The following RAB3GAP2 variants were observed in gnomAD, a reference collection of about 807,000 sequenced individuals.
RAB3GAP2 encodes RAB3 GTPase activating non-catalytic protein subunit 2.
A neutral mutation model predicts 185.3 loss-of-function variants in RAB3GAP2; 87 were observed. That is an observed-to-expected ratio of 0.47 (90% CI 0.39 to 0.56). The LOEUF is 0.56. Ranked by LOEUF, RAB3GAP2 falls within the 20% of genes least tolerant of loss-of-function variation. The pLI is 0.00. For synonymous variants in RAB3GAP2, 554 were observed against 576.1 expected (o/e 0.96, Z 0.55); for missense variants, 1,492 against 1,638.2 (o/e 0.91, Z 1.54).
At chr1:220,206,476 A>G (rs560009337) in intron 7 of RAB3GAP2, among the ~76,000 whole-genome samples, 41 of 152,276 alleles carry the variant, frequency 2.7e-4, no homozygotes, top group Non-Finnish European at 5.0e-4. Flanking sequence ...TAAGTGAACA[A>G]ATCATTTTTT....
chr1:220,203,388 T>C (rs146742237), intron 8 of RAB3GAP2, among the ~76,000 whole-genome samples: 1 of 152,094 alleles, frequency 6.6e-6, no homozygotes, highest in African/African-American at 2.4e-5. Flanking sequence ...AAATATAACC[T>C]CTAAATATTG....
At chr1:220,266,929 T>C in intron 1 of RAB3GAP2, 2 of 1,593,268 alleles carry the variant, frequency 1.3e-6, no homozygotes, top group Non-Finnish European at 1.7e-6. Flanking sequence ...TGTATTTGCC[T>C]CAAAAGGAGG....
At position 220,195,070 on chromosome 1, in the gene RAB3GAP2, A is replaced by C. The variant is rs774045898; in HGVS notation, c.1130+8T>G. On this transcript the variant is annotated splice_region_variant and intron_variant, in intron 12 of 34. Coordinates refer to ENST00000358951, the MANE Select transcript of RAB3GAP2 (RefSeq NM_012414.4). The stretch of plus-strand genomic sequence containing the variant: ...AGGACTAAAATTTGGGAAGCATGAC[A>C]GACTTGCCTTACAGCTAATGGGGTA... The C allele has an allele frequency of 6.2e-7, 1 of 1,613,464 alleles. No homozygotes were observed. Among genetic ancestry groups the C allele is most frequent in the Admixed American group, 1.7e-5 (1 of 60,006 alleles).
chr1:220,188,082 A>C (rs1211706731), intron 17 of RAB3GAP2, among the ~76,000 whole-genome samples: 1 of 151,516 alleles, frequency 6.6e-6, no homozygotes, highest in Non-Finnish European at 1.5e-5. Flanking sequence ...AGAATCTGCC[A>C]AAGAAATTGA....
intron 8 of RAB3GAP2, among the ~76,000 whole-genome samples, chr1:220,205,371 G>A (rs1658944257): frequency 1.3e-5 from 2 of 152,122 alleles, no homozygotes; most frequent in African/African-American, 4.8e-5. Flanking sequence ...GCAAAAAGCA[G>A]CTCATGTTGA....
At chr1:220,224,993 TGGTAGAAGACCAGA>T (rs1659377566) in intron 2 of RAB3GAP2, among the ~76,000 whole-genome samples, 1 of 152,196 alleles carries the variant, frequency 6.6e-6, no homozygotes, top group African/African-American at 2.4e-5. Flanking sequence ...GCCAGATCCC[TGGTAGAAGACCAGA>T]GGCCCCAATC....
At chr1:220,233,255 TA>T (rs1160610034) in intron 1 of RAB3GAP2, among the ~76,000 whole-genome samples, 1 of 152,182 alleles carries the variant, frequency 6.6e-6, no homozygotes, top group Admixed American at 6.5e-5. Flanking sequence ...AAAAAACACC[TA>T]AAATTTCACA....
chr1:220,195,940 T>C (rs1284354670), intron 10 of RAB3GAP2, among the ~76,000 whole-genome samples: 1 of 152,104 alleles, frequency 6.6e-6, no homozygotes, highest in Non-Finnish European at 1.5e-5. Flanking sequence ...TTTACTCAAA[T>C]CCCTAGTGGG....
In RAB3GAP2 at chr1:220,149,443, A is replaced by ATTCT. The variant is rs1657700256; in HGVS notation, c.*1804_*1807dup. 6.6e-6 allele frequency: 1 copy of ATTCT among 152,208 alleles called. No individual in the cohort carries two copies. Among genetic ancestry groups the ATTCT allele is most frequent in the Admixed American group, 6.5e-5 (1 of 15,280 alleles). The allele number at this position is 152,208 out of a possible 1,614,324, so 9.4% of individuals were successfully genotyped here. A position where few individuals can be genotyped will look rare whatever the true frequency, so the allele number is the denominator to read the frequency against. The stretch of plus-strand genomic sequence containing the variant: ...CAAGTGATGATGGAATTGAGGATTT[A>ATTCT]TTCTTTAAAAATACCTATAACTCCA... On this transcript the variant is annotated 3_prime_UTR_variant, in exon 35 of 35. Coordinates refer to ENST00000358951, the MANE Select transcript of RAB3GAP2 (RefSeq NM_012414.4).
At chr1:220,193,567 T>G (rs1033274151) in intron 12 of RAB3GAP2, among the ~76,000 whole-genome samples, 188 bp from the exon 13 acceptor site, 1 of 152,140 alleles carries the variant, frequency 6.6e-6, no homozygotes, top group African/African-American at 2.4e-5. Flanking sequence ...ATAAAAGAAA[T>G]AAAACCACAG....
At chr1:220,172,862 T>C (rs1658205523) in intron 21 of RAB3GAP2, 120 bp from the exon 22 acceptor site, 3 of 699,878 alleles carry the variant, frequency 4.3e-6, no homozygotes, top group Non-Finnish European at 5.2e-6. Context: ...GGTGAAAAAA[T>C]TAGTGGTTGC....
At chr1:220,248,585 C>T (rs1659862274) in intron 1 of RAB3GAP2, among the ~76,000 whole-genome samples, 1 of 150,022 alleles carries the variant, frequency 6.7e-6, no homozygotes, top group South Asian at 2.1e-4. Context: ...AAACAATTCT[C>T]ATTAAAATCC....
chr1:220,267,729 T>G, intron 1 of RAB3GAP2: 2 of 1,568,520 alleles, frequency 1.3e-6, no homozygotes, highest in Non-Finnish European at 1.8e-6. Flanking sequence ...GGAGACAAGC[T>G]TTTGTGCTTG....
chr1:220,241,867 AT>A (rs1034065875), intron 1 of RAB3GAP2, among the ~76,000 whole-genome samples: 1 of 151,930 alleles, frequency 6.6e-6, no homozygotes, highest in African/African-American at 2.4e-5. Context: ...TATATTATTT[AT>A]TTTTTATATC....
chr1:220,167,773 A>C, intron 24 of RAB3GAP2, 98 bp from the exon 25 acceptor site: 1 of 1,269,628 alleles, frequency 7.9e-7, no homozygotes, highest in Non-Finnish European at 1.1e-6. Flanking sequence ...TCTAAGTGCC[A>C]CATTCATTTC....
intron 14 of RAB3GAP2, 65 bp downstream of exon 14, chr1:220,191,003 A>G: frequency 7.1e-7 from 1 of 1,405,566 alleles, no homozygotes; most frequent in Non-Finnish European, 1.0e-6. Flanking sequence ...GTAAAGCTTT[A>G]TTTTAATAAA....
intron 18 of RAB3GAP2, among the ~76,000 whole-genome samples, chr1:220,184,910 G>A (rs895885722): frequency 2.0e-5 from 3 of 151,650 alleles, no homozygotes; most frequent in African/African-American, 7.3e-5. Context: ...AAAAAAAAAA[G>A]GTTGAAAAAG....
chr1:220,174,756 G>A (rs970232491), intron 21 of RAB3GAP2, among the ~76,000 whole-genome samples: 3 of 152,164 alleles, frequency 2.0e-5, no homozygotes, highest in Non-Finnish European at 4.4e-5. Context: ...GCCATTAACA[G>A]CTTTATATGT....
intron 1 of RAB3GAP2, among the ~76,000 whole-genome samples, chr1:220,260,162 A>G (rs532390103): frequency 2.9e-4 from 44 of 152,316 alleles, no homozygotes; most frequent in African/African-American, 1.0e-3. Flanking sequence ...TAGTTCAACC[A>G]CTGTGGAAGA....
Sources: allele counts gnomAD v4.1 joint callset (sites outside exome capture counted in the v4.1 genomes callset), GRCh38; gene constraint gnomAD v4.1.1; transcripts MANE v1.5; gene names NCBI Gene and HGNC (gene_info 2026-07-23, HGNC 2026-07-21).